FBXL7: variants seen among roughly 807,000 people sequenced by gnomAD.
FBXL7 encodes the protein F-box and leucine rich repeat protein 7, also known as F-box/LRR-repeat protein 7.
Under a neutral mutation model 38.3 loss-of-function variants are expected in FBXL7, and 12 were observed. That is an observed-to-expected ratio of 0.31 (90% CI 0.20 to 0.51). The LOEUF is 0.51. FBXL7 is among the 20% of genes least tolerant of loss of function. The pLI, the probability that FBXL7 is intolerant of heterozygous loss-of-function variation, is 0.98. For synonymous variants in FBXL7, 297 were observed against 300.9 expected, an observed-to-expected ratio of 0.99 and a Z score of 0.13; for missense variants, 567 against 676.4, an observed-to-expected ratio of 0.84 and a Z score of 1.79.
chr5:15,739,292 C>T (rs755717296), intron 2 of FBXL7, among the ~76,000 whole-genome samples: 7 of 147,184 alleles, frequency 4.8e-5, no homozygotes, highest in South Asian at 2.2e-4. Context: ...TTGCCCTTCA[C>T]GTTCCACCCA....
chr5:15,890,708 A>G (rs1002048006), intron 2 of FBXL7, among the ~76,000 whole-genome samples: 4 of 152,182 alleles, frequency 2.6e-5, no homozygotes, highest in Admixed American at 6.5e-5. Flanking sequence ...ATGGTCTTCC[A>G]TGGAACTAGT....
intron 2 of FBXL7, among the ~76,000 whole-genome samples, chr5:15,628,175 C>T (rs1283548099): frequency 1.3e-5 from 2 of 152,096 alleles, no homozygotes; most frequent in East Asian, 3.9e-4. Context: ...TAGTGGTTTT[C>T]AAGATGGGGT....
At position 15,912,660 on chromosome 5, in the gene FBXL7, T is replaced by TA. The variant is rs199756006; in HGVS notation, c.128-15220dup. 6.7e-4 allele frequency among the ~76,000 whole-genome samples: 99 copies of TA among 148,412 alleles called. No homozygotes were observed. The East Asian group carries it at 7.5e-3, about 11-fold the overall frequency. On this transcript the variant is annotated intron_variant, in intron 2 of 3. Transcript: ENST00000504595. Reference sequence around the variant, plus strand: ...TTTGCATTAAAATGGAGCTTTCTATTAAAAAAAAAAGAAGTATGACAAGTT... The same window carrying TA: ...TTTGCATTAAAATGGAGCTTTCTATTAAAAAAAAAAAGAAGTATGACAAGTT...
intron 1 of FBXL7, among the ~76,000 whole-genome samples, chr5:15,590,522 C>T (rs77231038): frequency 0.024 from 3,583 of 152,100 alleles, 144 homozygotes; most frequent in African/African-American, 0.081. Context: ...TCCTTTTTCT[C>T]TTTTATCTGT....
chr5:15,510,898 A>G (rs1172830944), intron 1 of FBXL7, among the ~76,000 whole-genome samples: 1 of 152,148 alleles, frequency 6.6e-6, no homozygotes, highest in African/African-American at 2.4e-5. Context: ...ATCCCACTTT[A>G]CAGTTACCCA....
At chr5:15,823,671 G>T (rs773694297) in intron 2 of FBXL7, among the ~76,000 whole-genome samples, 1 of 152,088 alleles carries the variant, frequency 6.6e-6, no homozygotes, top group Non-Finnish European at 1.5e-5. Context: ...ACCCAGACCT[G>T]CCCTCCTGTG....
intron 1 of FBXL7, among the ~76,000 whole-genome samples, chr5:15,510,063 A>G (rs1736751259): frequency 6.6e-6 from 1 of 152,230 alleles, no homozygotes; most frequent in South Asian, 2.1e-4. Context: ...AATCTCTATT[A>G]GGTTGTGAAT....
In FBXL7 at chr5:15,724,062, A is replaced by T. The variant is rs377071523; in HGVS notation, c.127+107990A>T. ...TTCCCTCTTCTGTATAAATTTTAAAATTATTTTGTAAATTTCACCCAAATA... is the reference window on the plus strand; with the variant it reads ...TTCCCTCTTCTGTATAAATTTTAAATTTATTTTGTAAATTTCACCCAAATA... On this transcript the variant is annotated intron_variant, in intron 2 of 3. Coordinates refer to ENST00000504595, the MANE Select transcript of FBXL7 (RefSeq NM_012304.5). Among the ~76,000 whole-genome samples the T allele has an allele frequency of 6.6e-5, 10 of 152,244 alleles. No homozygotes were observed. The East Asian group carries it at 7.7e-4, about 12-fold the overall frequency.
chr5:15,715,534 C>T (rs565341839), intron 2 of FBXL7, among the ~76,000 whole-genome samples: 4 of 151,634 alleles, frequency 2.6e-5, no homozygotes, highest in Non-Finnish European at 4.4e-5. Flanking sequence ...GGGTTGGCAC[C>T]CCTTTCTGTC....
intron 1 of FBXL7, among the ~76,000 whole-genome samples, chr5:15,555,294 C>T (rs1738197676): frequency 6.6e-6 from 1 of 152,158 alleles, no homozygotes; most frequent in African/African-American, 2.4e-5. Context: ...TCTCATGTTT[C>T]TTAGAAATCA....
rs527548592 is a variant in FBXL7, at chr5:15,709,321, G to A, written c.127+93249G>A. 2.2e-4 allele frequency among the ~76,000 whole-genome samples: 33 copies of A among 152,148 alleles called. 1 individual carries two copies. The highest frequency in any genetic ancestry group is 7.2e-4 in the Admixed American group (11 of 15,262). ...GGCAGAGGCAGTTGGGTCACCTGAG[G>A]TCAGGAGTTTGAGACCAGCCTGGCC... On this transcript the variant is annotated intron_variant, in intron 2 of 3. Transcript: ENST00000504595.
chr5:15,706,415 T>C (rs1743682195), intron 2 of FBXL7, among the ~76,000 whole-genome samples: 1 of 152,204 alleles, frequency 6.6e-6, no homozygotes, highest in Non-Finnish European at 1.5e-5. Context: ...GCAACGTCAG[T>C]GCTATGCTTC....
intron 1 of FBXL7, among the ~76,000 whole-genome samples, chr5:15,596,099 C>T (rs1739618454): frequency 6.6e-6 from 1 of 152,174 alleles, no homozygotes; most frequent in African/African-American, 2.4e-5. Flanking sequence ...TTCAAGTACA[C>T]AGTTGGAATT....
intron 2 of FBXL7, among the ~76,000 whole-genome samples, chr5:15,880,715 A>G (rs1257758193): frequency 3.5e-5 from 2 of 56,346 alleles, no homozygotes; most frequent in Non-Finnish European, 7.0e-5. Flanking sequence ...TAATATATAT[A>G]CTATATTATA....
intron 1 of FBXL7, among the ~76,000 whole-genome samples, chr5:15,563,504 G>A (rs1251966200): frequency 6.6e-6 from 1 of 152,094 alleles, no homozygotes; most frequent in African/African-American, 2.4e-5. Context: ...AGGAACACTG[G>A]AGGTAGAGTC....
At chr5:15,855,403 T>C (rs1466228636) in intron 2 of FBXL7, among the ~76,000 whole-genome samples, 1 of 152,178 alleles carries the variant, frequency 6.6e-6, no homozygotes, top group Admixed American at 6.5e-5. Flanking sequence ...TTTACTGTTT[T>C]ATAGATGGAT....
intron 2 of FBXL7, among the ~76,000 whole-genome samples, chr5:15,718,332 GT>G (rs1250947647): frequency 6.6e-6 from 1 of 152,154 alleles, no homozygotes; most frequent in Non-Finnish European, 1.5e-5. Context: ...ATTCCAAAGG[GT>G]ATTTCCCTTC....
intron 2 of FBXL7, among the ~76,000 whole-genome samples, chr5:15,695,735 G>A (rs1197159239): frequency 1.3e-5 from 2 of 152,140 alleles, no homozygotes; most frequent in East Asian, 3.9e-4. Context: ...ATAGTGGGGA[G>A]AGAGCATACC....
intron 2 of FBXL7, among the ~76,000 whole-genome samples, chr5:15,687,227 G>C (rs546469475): frequency 2.6e-5 from 4 of 152,216 alleles, no homozygotes; most frequent in East Asian, 1.9e-4. Context: ...TTGGGGAATC[G>C]TCAGAAATCC....
Sources: allele counts gnomAD v4.1 joint callset (sites outside exome capture counted in the v4.1 genomes callset), GRCh38; gene constraint gnomAD v4.1.1; transcripts MANE v1.5; gene names NCBI Gene and HGNC (gene_info 2026-07-23, HGNC 2026-07-21).